The following NLGN4X variants were observed in gnomAD, a reference collection of about 807,000 sequenced individuals.
NLGN4X encodes neuroligin 4 X-linked.
In NLGN4X, 3 loss-of-function variants were observed where a neutral mutation model predicts 40.3. The observed-to-expected ratio is 0.07, with a 90% CI of 0.03 to 0.19. The LOEUF (loss-of-function observed/expected upper bound fraction) is 0.19. Ranked by LOEUF, NLGN4X falls within the 10% of genes least tolerant of loss-of-function variation. NLGN4X has a pLI of 1.00. For missense variants in NLGN4X, 382 were observed against 708.3 expected (o/e 0.54, Z 5.23); for synonymous variants, 270 against 306.8 (o/e 0.88, Z 1.25).
chrX:5,913,843 G>A (rs2032636121), intron 3 of NLGN4X, among the ~76,000 whole-genome samples: 1 of 111,873 alleles, frequency 8.9e-6, no homozygotes, highest in Non-Finnish European at 1.9e-5. Flanking sequence ...ACTGAATCAT[G>A]GGGGTGGGTT....
At chrX:6,117,574 T>C (rs1399649483) in intron 2 of NLGN4X, among the ~76,000 whole-genome samples, 1 of 111,742 alleles carries the variant, frequency 8.9e-6, no homozygotes, top group East Asian at 2.8e-4. Context: ...CCAGGATTCC[T>C]GGTCCTGCCT....
intron 1 of NLGN4X, among the ~76,000 whole-genome samples, chrX:6,164,910 C>A (rs2040468824): frequency 9.0e-6 from 1 of 111,574 alleles, no homozygotes; most frequent in Non-Finnish European, 1.9e-5. Flanking sequence ...TCTGACAGTG[C>A]AGAATGACAA....
At chrX:5,999,743 A>T (rs2035926068) in intron 3 of NLGN4X, among the ~76,000 whole-genome samples, 1 of 112,301 alleles carries the variant, frequency 8.9e-6, no homozygotes, top group Admixed American at 9.4e-5. Flanking sequence ...TTTCAAGGGC[A>T]TGTATTAGAT....
rs1397679444 is a variant in NLGN4X, at chrX:5,903,229, G to T, written c.1449C>A (p.Ser483Arg). Residue 483 changes from serine (S) to arginine (R), a missense_variant, in exon 5 of 6, where the codon AGC becomes AGA. By Grantham distance (110) the Ser-to-Arg change is moderately radical (BLOSUM62 -1). Around this residue, in one of 5 missense-constraint regions of NLGN4X, gnomAD observed 149 missense variants for 375.8 expected, o/e 0.40. Transcript: ENST00000381095. ...CATCACCATGGGCCGAATCTGCCCA[G>T]CTGGGCTTCATTTCGCTTTGGCAGT... ...YHHCQSEMKPSWADSAHGDEV... is the reference protein window; with the variant it reads ...YHHCQSEMKPRWADSAHGDEV... The T allele has an allele frequency of 8.3e-7, 1 of 1,210,539 alleles. No homozygotes were observed. Among genetic ancestry groups the T allele is most frequent in the Non-Finnish European group, 1.1e-6 (1 of 895,384 alleles).
intron 3 of NLGN4X, among the ~76,000 whole-genome samples, chrX:5,925,690 T>C (rs1569134059): frequency 9.5e-6 from 1 of 105,035 alleles, no homozygotes; most frequent in Non-Finnish European, 2.0e-5. Flanking sequence ...GTGCCCTTTG[T>C]AGGAAACAAC....
intron 3 of NLGN4X, among the ~76,000 whole-genome samples, chrX:5,925,877 CACACATATATAT>C (rs2033267261): frequency 1.8e-4 from 2 of 11,119 alleles, no homozygotes; most frequent in African/African-American, 1.3e-3. Flanking sequence ...TATATACATA[CACACATATATAT>C]ATATATATAT....
chrX:6,226,222 C>G (rs759773897), intron 1 of NLGN4X, among the ~76,000 whole-genome samples: 1 of 109,488 alleles, frequency 9.1e-6, no homozygotes, highest in South Asian at 4.1e-4. Flanking sequence ...GCACCCCCTC[C>G]CCCGCCATCC....
At chrX:6,221,216 C>T (rs1323327666) in intron 1 of NLGN4X, among the ~76,000 whole-genome samples, 1 of 106,115 alleles carries the variant, frequency 9.4e-6, no homozygotes, top group Admixed American at 1.0e-4. Flanking sequence ...TCAGCTGGAA[C>T]CACAGGTACT....
At chrX:6,120,760 G>A (rs1252636595) in intron 2 of NLGN4X, among the ~76,000 whole-genome samples, 1 of 112,063 alleles carries the variant, frequency 8.9e-6, no homozygotes, top group Non-Finnish European at 1.9e-5. Context: ...GTGTAGCATA[G>A]ATCACATTCT....
intron 3 of NLGN4X, among the ~76,000 whole-genome samples, chrX:5,980,234 C>T (rs1270501247): frequency 9.2e-6 from 1 of 108,846 alleles, no homozygotes; most frequent in Non-Finnish European, 1.9e-5. Flanking sequence ...GAAACTGCAT[C>T]ATATATATGT....
chrX:5,954,634 GTCTCTCTCTCTCTCTCTCTC>G (rs200878268), intron 3 of NLGN4X, among the ~76,000 whole-genome samples: 2 of 94,901 alleles, frequency 2.1e-5, no homozygotes, highest in Non-Finnish European at 4.3e-5. Flanking sequence ...CTCTGTCTCT[GTCTCTCTCTCTCTCTCTCTC>G]TCTCTCTCTC....
chrX:6,038,331 G>A (rs762662653), intron 2 of NLGN4X, among the ~76,000 whole-genome samples: 38 of 112,514 alleles, frequency 3.4e-4, no homozygotes, highest in Non-Finnish European at 6.2e-4. Flanking sequence ...AATAGCCCCA[G>A]AAAGATGAGA....
At chrX:5,942,130 C>T (rs1601925143) in intron 3 of NLGN4X, among the ~76,000 whole-genome samples, 1 of 110,123 alleles carries the variant, frequency 9.1e-6, no homozygotes, top group South Asian at 4.0e-4. Context: ...GTGACATGCA[C>T]CTGTAGTCCC....
chrX:5,935,040 A>G (rs2033688085), intron 3 of NLGN4X, among the ~76,000 whole-genome samples: 1 of 112,174 alleles, frequency 8.9e-6, no homozygotes, highest in Non-Finnish European at 1.9e-5. Context: ...AGCTACTATT[A>G]GTCGATGCTA....
At chrX:6,213,759 G>A (rs1924824144) in intron 1 of NLGN4X, among the ~76,000 whole-genome samples, 1 of 112,023 alleles carries the variant, frequency 8.9e-6, no homozygotes, top group Non-Finnish European at 1.9e-5. Flanking sequence ...CAATTCTGCT[G>A]GCTTCCACTC....
At chrX:6,095,110 T>C (rs970413994) in intron 2 of NLGN4X, among the ~76,000 whole-genome samples, 39 of 44,130 alleles carry the variant, frequency 8.8e-4, no homozygotes, top group South Asian at 2.7e-3. Flanking sequence ...TGCGTGTGTG[T>C]GTGTGTGTGT....
intron 3 of NLGN4X, among the ~76,000 whole-genome samples, chrX:5,914,116 G>C (rs1272400393): frequency 3.6e-5 from 4 of 111,772 alleles, no homozygotes. Context: ...TAGTTAGTAT[G>C]GTTATTTAGA....
intron 2 of NLGN4X, among the ~76,000 whole-genome samples, chrX:6,097,409 A>G (rs2038806641): frequency 9.0e-6 from 1 of 111,371 alleles, no homozygotes; most frequent in African/African-American, 3.3e-5. Context: ...CAAAGAACAT[A>G]AGTAGGAGAA....
At chrX:6,192,154 A>G (rs1922599356) in intron 1 of NLGN4X, among the ~76,000 whole-genome samples, 1 of 110,835 alleles carries the variant, frequency 9.0e-6, no homozygotes, top group Non-Finnish European at 1.9e-5. Flanking sequence ...TCTTTGAGAC[A>G]GGGTCTTGCT....
Sources: allele counts gnomAD v4.1 joint callset (sites outside exome capture counted in the v4.1 genomes callset), GRCh38; gene constraint gnomAD v4.1.1; regional missense constraint gnomAD v4.1.1; transcripts MANE v1.5; gene names NCBI Gene and HGNC (gene_info 2026-07-23, HGNC 2026-07-21).